ITIH1: variants seen among roughly 807,000 people sequenced by gnomAD.
The protein encoded by ITIH1 is inter-alpha-trypsin inhibitor heavy chain H1.
Under a neutral mutation model 104.6 loss-of-function variants are expected in ITIH1, and 94 were observed. The ratio of observed to expected loss-of-function variants is 0.90; its 90% confidence interval spans 0.76 to 1.07. ITIH1 has a LOEUF of 1.07. ITIH1 is among the 50% of genes least tolerant of loss of function. The pLI, the probability that ITIH1 is intolerant of heterozygous loss-of-function variation, is 0.00. For missense variants in ITIH1, 1,193 were observed against 1,181.4 expected (o/e 1.01, Z -0.14); for synonymous variants, 455 against 464.4 (o/e 0.98, Z 0.26).
At position 52,784,538 on chromosome 3, in the gene ITIH1, G is replaced by A. The variant is rs150426381; in HGVS notation, c.1407+61G>A. ...TGCCATAGGGAGCCCTGCCTTGGTG[G>A]CCGTTTGCCCATCAGCCTAGAGGAG... On this transcript the variant is annotated intron_variant, in intron 11 of 21. Coordinates refer to ENST00000273283, the MANE Select transcript of ITIH1 (RefSeq NM_002215.4). 2,018 of 1,535,986 alleles carry A rather than the reference G, an allele frequency of 1.3e-3. 17 individuals carry two copies. In the African/African-American group the frequency reaches 0.023, roughly 18 times the overall value.
chr3:52,783,092 CAA>C lies in ITIH1; in HGVS notation c.1067_1068del (p.Gln356ArgfsTer10). On this transcript the variant is annotated frameshift_variant, in exon 9 of 22. Transcript: ENST00000273283. LOFTEE classifies it high-confidence loss of function. ...QASEANLQAA[Q>X]DFVRGFSLDE... ...ATCTGAGGCCAACCTACAAGCAGCT[CAA>C]GACTTTGTGCGGGGCTTTTCCCTGG... is the stretch of plus-strand genomic sequence containing the variant. 1 of 1,614,036 alleles carries C rather than the reference CAA, an allele frequency of 6.2e-7. No individual in the cohort carries two copies. Among genetic ancestry groups the C allele is most frequent in the Non-Finnish European group, 8.5e-7 (1 of 1,180,018 alleles).
intron 13 of ITIH1, 66 bp from the exon 14 acceptor site, chr3:52,786,879 T>C: frequency 1.4e-6 from 2 of 1,481,052 alleles, no homozygotes; most frequent in Non-Finnish European, 9.2e-7. Context: ...AATAAGTGAA[T>C]GGATAGGTGA....
At chr3:52,777,841 A>G in intron 1 of ITIH1, 109 bp downstream of exon 1, 2 of 1,336,202 alleles carry the variant, frequency 1.5e-6, no homozygotes, top group South Asian at 1.2e-5. Flanking sequence ...CACCACCTCC[A>G]CCACTTCTGA....
intron 20 of ITIH1, 29 bp downstream of exon 20, chr3:52,790,950 G>T: frequency 6.3e-7 from 1 of 1,579,820 alleles, no homozygotes; most frequent in South Asian, 1.2e-5. Flanking sequence ...GCAGGGCTGT[G>T]GGGAAGGGTG....
chr3:52,782,435 C>A (rs779002791), intron 8 of ITIH1, among the ~76,000 whole-genome samples, 168 bp downstream of exon 8: 1 of 152,208 alleles, frequency 6.6e-6, no homozygotes, highest in Non-Finnish European at 1.5e-5. Context: ...ATCAGCATCG[C>A]TTCCTCACTG....
At chr3:52,786,532 G>A in intron 13 of ITIH1, 98 bp downstream of exon 13, 3 of 1,200,764 alleles carry the variant, frequency 2.5e-6, no homozygotes, top group Non-Finnish European at 2.3e-6. Flanking sequence ...GGGGCAAGTA[G>A]GTCAGATTTA....
intron 16 of ITIH1, 84 bp from the exon 17 acceptor site, chr3:52,787,902 T>G (rs1377012995): frequency 8.9e-6 from 12 of 1,353,456 alleles, no homozygotes; most frequent in Non-Finnish European, 1.3e-5. Flanking sequence ...GCCCCACCAG[T>G]GAGGAAAGAG....
At position 52,779,294 on chromosome 3, in the gene ITIH1, C is replaced by T. The variant is rs1698980194; in HGVS notation, c.411-138C>T. ...CCTGACCCTGACCAGCCAGCTAACA[C>T]ATTTGTGAGGTCCAGGGAAACCTGG... On this transcript the variant is annotated intron_variant, in intron 4 of 21. Coordinates refer to ENST00000273283, the MANE Select transcript of ITIH1 (RefSeq NM_002215.4). The surrounding 1 kb of genome is among the most constrained non-coding windows in gnomAD (Gnocchi z 4.4). The T allele has an allele frequency of 2.0e-6, 2 of 977,340 alleles. No homozygotes were observed. The highest frequency in any genetic ancestry group is 3.1e-6 in the Non-Finnish European group (2 of 638,746). 60.5% of individuals were successfully genotyped at this position (977,340 alleles called of 1,614,324 possible). A position where few individuals can be genotyped will look rare whatever the true frequency, so the allele number is the denominator to read the frequency against.
At chr3:52,789,003 C>T (rs1249184951) in intron 18 of ITIH1, among the ~76,000 whole-genome samples, 2 of 152,186 alleles carry the variant, frequency 1.3e-5, no homozygotes, top group Admixed American at 1.3e-4. Context: ...AGCAGAGCAC[C>T]TCTCTCCCAG....
chr3:52,786,197 G>A (rs988182597), intron 12 of ITIH1, 98 bp from the exon 13 acceptor site: 41 of 1,226,602 alleles, frequency 3.3e-5, no homozygotes, highest in Admixed American at 7.1e-5. Flanking sequence ...GGACGAAGCT[G>A]CAGATACCAG....
At chr3:52,790,665 G>T (rs1699329325) in intron 19 of ITIH1, 84 bp from the exon 20 acceptor site, 1 of 1,434,948 alleles carries the variant, frequency 7.0e-7, no homozygotes, top group Non-Finnish European at 9.7e-7. Flanking sequence ...GGTCATAAGG[G>T]TTGGGTCCCA....
At chr3:52,781,790 C>A in intron 6 of ITIH1, 150 bp from the exon 7 acceptor site, 1 of 871,588 alleles carries the variant, frequency 1.1e-6, no homozygotes, top group Non-Finnish European at 1.8e-6. Context: ...GTGCTCTCAG[C>A]AGCTAGGTGA....
At chr3:52,786,217 G>A (rs969385725) in intron 12 of ITIH1, 78 bp from the exon 13 acceptor site, 11 of 1,430,388 alleles carry the variant, frequency 7.7e-6, no homozygotes, top group South Asian at 3.9e-5. Context: ...GACGAAATGG[G>A]CCCCTCAGAG....
Position 52,783,136 on chromosome 3 carries a change from G to T in ITIH1, c.1099+11G>T. The T allele has an allele frequency of 7.3e-7, 1 of 1,368,352 alleles. No homozygotes were observed. Among genetic ancestry groups the T allele is most frequent in the Non-Finnish European group, 1.0e-6 (1 of 974,894 alleles). The allele number at this position is 1,368,352 out of a possible 1,614,324, so 84.8% of individuals were successfully genotyped here. A position where few individuals can be genotyped will look rare whatever the true frequency, so the allele number is the denominator to read the frequency against. ...TTTCCCTGGATGAGGGTAAGGGTGG[G>T]GGTCTCAGGCAACCTTGATGTCACC... On this transcript the variant is annotated intron_variant, in intron 9 of 21. Coordinates refer to ENST00000273283, the MANE Select transcript of ITIH1 (RefSeq NM_002215.4).
chr3:52,777,900 A>G, intron 1 of ITIH1, 97 bp from the exon 2 acceptor site: 1 of 1,500,606 alleles, frequency 6.7e-7, no homozygotes, highest in Admixed American at 1.7e-5. Flanking sequence ...GCTAAGGGGC[A>G]GAGGACACAG....
chr3:52,791,839 G>C lies in ITIH1; in HGVS notation c.2664G>C (p.Trp888Cys), dbSNP rs376595083. Residue 888 changes from tryptophan to cysteine, a missense_variant, in exon 22 of 22, where the codon TGG becomes TGC. Trp to Cys is a radical substitution (Grantham distance 215). Coordinates refer to ENST00000273283, the MANE Select transcript of ITIH1 (RefSeq NM_002215.4). ...GGCATGGGGCCGAGGTGTCCTGCTG[G>C]TTCATTCACAACAATGGGGCTGGAC... is the stretch of plus-strand genomic sequence containing the variant. ...DPWHGAEVSCWFIHNNGAGLI... is the reference protein window; with the variant it reads ...DPWHGAEVSCCFIHNNGAGLI... The C allele has an allele frequency of 3.6e-5, 58 of 1,614,064 alleles. No homozygotes were observed. In the Middle Eastern group the frequency reaches 4.9e-4, roughly 14 times the overall value.
chr3:52,790,677 A>C (rs1359079884), intron 19 of ITIH1, 72 bp from the exon 20 acceptor site: 5 of 1,514,430 alleles, frequency 3.3e-6, no homozygotes, highest in Non-Finnish European at 4.5e-6. Flanking sequence ...TGGGTCCCAG[A>C]TGACAAGGGC....
chr3:52,779,620 G>A lies in ITIH1; in HGVS notation c.573+26G>A. The A allele has an allele frequency of 1.2e-6, 2 of 1,610,214 alleles. No homozygotes were observed. The highest frequency in any genetic ancestry group is 1.7e-6 in the Non-Finnish European group (2 of 1,176,494). On this transcript the variant is annotated intron_variant, in intron 5 of 21. Transcript: ENST00000273283. The surrounding 1 kb of genome is among the most constrained non-coding windows in gnomAD (Gnocchi z 4.4). ...GTAGATCACAGGTCCCGGGGCAGGG[G>A]TCCTGCCCCTCTCTCCGTCACCATG... is the stretch of plus-strand genomic sequence containing the variant.
rs763024860 is a variant in ITIH1, at chr3:52,790,828, CGA to C, written c.2403_2404del (p.Trp803GlufsTer38). 1.2e-6 allele frequency: 2 copies of C among 1,612,742 alleles called. No individual in the cohort carries two copies. Among genetic ancestry groups the C allele is most frequent in the South Asian group, 2.2e-5 (2 of 90,852 alleles). The stretch of plus-strand genomic sequence containing the variant: ...TGGCACCTTTGAGGTTGTTTTGCAC[CGA>C]GTGTGGAAGGGGAGCTCGGTCCACC... ...DGGTFEVVLH[R>X]VWKGSSVHQD... On this transcript the variant is annotated frameshift_variant, in exon 20 of 22. Transcript: ENST00000273283. LOFTEE classifies it high-confidence loss of function.
Sources: gnomAD v4.1 joint callset for allele counts (sites outside exome capture counted in the v4.1 genomes callset) on GRCh38, gnomAD v4.1.1 for gene constraint, Gnocchi (gnomAD v3.1) non-coding constraint, MANE v1.5 for transcripts, NCBI Gene and HGNC (gene_info 2026-07-23, HGNC 2026-07-21) for gene names.